Variants in DPRX observed in about 807,000 individuals in gnomAD.
DPRX encodes the protein divergent-paired related homeobox, also known as divergent paired-related homeobox.
A neutral mutation model predicts 8.4 loss-of-function variants in DPRX; 11 were observed. The ratio of observed to expected loss-of-function variants is 1.31; its 90% confidence interval spans 0.82 to 2.17. DPRX has a LOEUF of 2.17. DPRX is among the 30% of genes most tolerant of loss of function. The pLI is 0.00. For synonymous variants in DPRX, 72 were observed against 87.0 expected, an observed-to-expected ratio of 0.83 and a Z score of 0.96; for missense variants, 211 against 236.7, an observed-to-expected ratio of 0.89 and a Z score of 0.71.
the DPRX span, among the ~76,000 whole-genome samples, chr19:53,625,837 C>T: frequency 6.6e-6 from 1 of 151,998 alleles, no homozygotes; most frequent in African/African-American, 2.4e-5. Flanking sequence ...GGGGTTTCAC[C>T]ATGTTGGCCA....
chr19:53,627,407 TGGAA>T (rs1208678192), upstream of DPRX, among the ~76,000 whole-genome samples: 2 of 150,430 alleles, frequency 1.3e-5, no homozygotes, highest in Non-Finnish European at 2.9e-5. Flanking sequence ...GAGAAGGACT[TGGAA>T]GGGAGAGATG....
the DPRX span, among the ~76,000 whole-genome samples, chr19:53,610,896 C>T: frequency 8.5e-5 from 13 of 152,098 alleles, no homozygotes; most frequent in East Asian, 7.7e-4. Flanking sequence ...GAGCACTGTA[C>T]GCTGTTTTGT....
At chr19:53,603,656 C>A in the DPRX span, 2 of 224,510 alleles carry the variant, frequency 8.9e-6, no homozygotes, top group East Asian at 2.2e-4. Flanking sequence ...TTCATCTACC[C>A]GTATCCACTA....
the DPRX span, among the ~76,000 whole-genome samples, chr19:53,620,919 A>T: frequency 4.6e-5 from 7 of 151,850 alleles, no homozygotes; most frequent in Non-Finnish European, 1.0e-4. Flanking sequence ...CTATGGGATA[A>T]ATGACAGCAG....
chr19:53,607,408 CT>C, the DPRX span, among the ~76,000 whole-genome samples: 914 of 151,618 alleles, frequency 6.0e-3, 13 homozygotes, highest in Admixed American at 0.025. Context: ...AATTTAAAAA[CT>C]TAGCTAGGTG....
chr19:53,636,706 T>C, exon 3 of DPRX: 1 of 1,614,126 alleles, frequency 6.2e-7, no homozygotes, highest in Non-Finnish European at 8.5e-7. Flanking sequence ...TCTCCACCAG[T>C]GTCGGCCTGA....
At chr19:53,634,466 G>A (rs2122164584) in intron 1 of DPRX, 65 bp from the exon 2 acceptor site, 1 of 1,550,990 alleles carries the variant, frequency 6.4e-7, no homozygotes, top group Non-Finnish European at 8.7e-7. Flanking sequence ...GGAAAGGAAA[G>A]CTCAGGCTTT....
At chr19:53,612,563 C>T in the DPRX span, among the ~76,000 whole-genome samples, 18 of 151,720 alleles carry the variant, frequency 1.2e-4, no homozygotes, top group South Asian at 4.2e-4. Flanking sequence ...AAAAATTAGC[C>T]GGCCATGCTG....
the DPRX span, among the ~76,000 whole-genome samples, chr19:53,602,476 C>G: frequency 4.6e-5 from 7 of 151,282 alleles, 1 homozygote; most frequent in Non-Finnish European, 8.8e-5. Context: ...TCTCCTGCCT[C>G]AGCCTCCCAA....
At chr19:53,634,323 C>CG (rs2091104254) in intron 1 of DPRX, among the ~76,000 whole-genome samples, 1 of 152,036 alleles carries the variant, frequency 6.6e-6, no homozygotes, top group South Asian at 2.1e-4. Context: ...CCCAGCTACT[C>CG]GGGAGGCTGA....
At chr19:53,621,496 T>C in the DPRX span, among the ~76,000 whole-genome samples, 17 of 151,970 alleles carry the variant, frequency 1.1e-4, no homozygotes, top group African/African-American at 3.9e-4. Flanking sequence ...CCACGATCTA[T>C]ATAAAATTTT....
the DPRX span, among the ~76,000 whole-genome samples, chr19:53,621,922 T>C: frequency 6.6e-6 from 1 of 152,168 alleles, no homozygotes; most frequent in African/African-American, 2.4e-5. Flanking sequence ...CTCATTGTTA[T>C]GTGGGCCCCA....
chr19:53,627,477 C>A (rs1348929607), upstream of DPRX, among the ~76,000 whole-genome samples: 6 of 138,848 alleles, frequency 4.3e-5, no homozygotes, highest in African/African-American at 1.6e-4. Context: ...ACTCTTATTG[C>A]CCAGGCTGGA....
At chr19:53,601,220 G>A in the DPRX span, 7 of 455,866 alleles carry the variant, frequency 1.5e-5, no homozygotes, top group Non-Finnish European at 2.6e-5. Context: ...AGAGTGTTGG[G>A]CTCAGACACC....
At chr19:53,615,588 G>A in the DPRX span, among the ~76,000 whole-genome samples, 1 of 151,950 alleles carries the variant, frequency 6.6e-6, no homozygotes, top group Non-Finnish European at 1.5e-5. Flanking sequence ...GCCCAGAGCT[G>A]TCTAATTTTA....
In DPRX at chr19:53,636,531, TTTTTAAAAA is replaced by T; in HGVS notation, c.184-63_184-55del. The T allele has an allele frequency of 1.0e-5, 13 of 1,292,554 alleles. No homozygotes were observed. The South Asian group carries it at 3.8e-4, about 37-fold the overall frequency. The allele number at this position is 1,292,554 out of a possible 1,614,324, so 80.1% of individuals were successfully genotyped here. On this transcript the variant is annotated intron_variant, in intron 2 of 2. Coordinates refer to ENST00000376650, the Ensembl canonical transcript of DPRX. ...AAAATAAAAATTAAAAAGTAAAAAT[TTTTTAAAAA>T]TAGAATGACAAGTCATCTGAATTCC...
chr19:53,617,762 T>G, the DPRX span, among the ~76,000 whole-genome samples: 1 of 152,082 alleles, frequency 6.6e-6, no homozygotes, highest in African/African-American at 2.4e-5. Context: ...GAGACAAATT[T>G]ATCACAGTAT....
chr19:53,617,534 GACA>G, the DPRX span, among the ~76,000 whole-genome samples: 1 of 125,756 alleles, frequency 8.0e-6, no homozygotes, highest in Non-Finnish European at 1.6e-5. Context: ...CTCCAGCCTG[GACA>G]ACAAGAGTAA....
the DPRX span, among the ~76,000 whole-genome samples, chr19:53,620,231 G>A: frequency 2.6e-5 from 4 of 151,816 alleles, no homozygotes; most frequent in Non-Finnish European, 5.9e-5. Context: ...CACCTTGCCC[G>A]GCTGTTTTTT....
Sources: allele counts gnomAD v4.1 joint callset (sites outside exome capture counted in the v4.1 genomes callset), GRCh38; gene constraint gnomAD v4.1.1; transcripts MANE v1.5; gene names NCBI Gene and HGNC (gene_info 2026-07-23, HGNC 2026-07-21).